RBBP8NL: variants seen among roughly 807,000 people sequenced by gnomAD.
RBBP8NL encodes the protein RBBP8 N-terminal-like protein.
Under a neutral mutation model 62.2 loss-of-function variants are expected in RBBP8NL, and 59 were observed. That is an observed-to-expected ratio of 0.95 (90% CI 0.77 to 1.18). The LOEUF is 1.18. RBBP8NL is among the 50% of genes most tolerant of loss of function. The probability of loss-of-function intolerance (pLI) is 0.00; values close to 1 mark genes in which losing one functional copy is unlikely to be tolerated. For missense variants in RBBP8NL, 896 were observed against 899.5 expected, an observed-to-expected ratio of 1.00 and a Z score of 0.05; for synonymous variants, 412 against 394.1, an observed-to-expected ratio of 1.05 and a Z score of -0.54.
intron 9 of RBBP8NL, among the ~76,000 whole-genome samples, 182 bp from the exon 10 acceptor site, chr20:62,414,738 G>C (rs755357530): frequency 1.3e-5 from 2 of 152,240 alleles, no homozygotes; most frequent in Non-Finnish European, 2.9e-5. Context: ...TCAGCCCCCA[G>C]CTCTGGAGGC....
rs571629533 is a variant in RBBP8NL at position 62,415,212 on chromosome 20, C to A, written c.703G>T (p.Asp235Tyr). ...GGCGTCCCATTGGCGGGGCCTCGGT[C>A]GGCAGGGCAAGCCTGGGACCCAGGC... ...VRPGSQACPA[D>Y]RGPANGTPPP... is the part of the protein sequence containing the mutation. Residue 235 changes from aspartate (D) to tyrosine (Y), a missense_variant, in exon 9 of 14, where the codon GAC becomes TAC. By Grantham distance (160) the Asp-to-Tyr change is radical. Transcript: ENST00000252998. 1.3e-6 allele frequency: 2 copies of A among 1,524,264 alleles called. No individual in the cohort carries two copies. Among genetic ancestry groups the A allele is most frequent in the South Asian group, 2.5e-5 (2 of 79,092 alleles). The allele number at this position is 1,524,264 out of a possible 1,614,324, so 94.4% of individuals were successfully genotyped here.
intron 1 of RBBP8NL, among the ~76,000 whole-genome samples, chr20:62,426,710 T>C (rs956132224): frequency 6.6e-6 from 1 of 152,250 alleles, no homozygotes; most frequent in African/African-American, 2.4e-5. Context: ...CAGGCTCCTG[T>C]GCACACACCG....
At position 62,410,717 on chromosome 20, in the gene RBBP8NL, G is replaced by A; in HGVS notation, c.*161C>T. ...CTCCAGGCTGTGGTGAGCAGGCAGA[G>A]AGCTGCCCTGGGCTCACTGTGGGTT... On this transcript the variant is annotated 3_prime_UTR_variant, in exon 14 of 14. Coordinates refer to ENST00000252998, the MANE Select transcript of RBBP8NL (RefSeq NM_080833.3). 1 of 651,612 alleles carries A rather than the reference G, an allele frequency of 1.5e-6. No homozygotes were observed. The highest frequency in any genetic ancestry group is 2.7e-6 in the Non-Finnish European group (1 of 367,770). 40.4% of individuals were successfully genotyped at this position (651,612 alleles called of 1,614,324 possible).
chr20:62,415,381 C>T, intron 8 of RBBP8NL, 94 bp from the exon 9 acceptor site: 1 of 1,428,192 alleles, frequency 7.0e-7, no homozygotes, highest in Non-Finnish European at 9.4e-7. Flanking sequence ...GGGCTGCTCC[C>T]ACTCTGCCCC....
intron 5 of RBBP8NL, among the ~76,000 whole-genome samples, 191 bp from the exon 6 acceptor site, chr20:62,416,427 C>T (rs138332076): frequency 5.3e-5 from 8 of 152,300 alleles, no homozygotes; most frequent in African/African-American, 9.6e-5. Context: ...TGAGCAGTGC[C>T]GGCCTCGAGG....
chr20:62,425,201 A>G (rs991811481), intron 1 of RBBP8NL, among the ~76,000 whole-genome samples: 2 of 152,110 alleles, frequency 1.3e-5, no homozygotes, highest in Admixed American at 1.3e-4. Context: ...GGAGACCCCG[A>G]TTCACCTGCG....
intron 10 of RBBP8NL, 74 bp from the exon 11 acceptor site, chr20:62,413,619 G>A (rs1227194171): frequency 1.0e-5 from 15 of 1,477,536 alleles, no homozygotes; most frequent in Middle Eastern, 1.8e-4. Context: ...CTGGACAGCC[G>A]GTGGGACCCC....
At position 62,414,112 on chromosome 20, in the gene RBBP8NL, T is replaced by A. The variant is rs1211494143; in HGVS notation, c.1239A>T (p.Gly413=). 1 of 1,595,132 alleles carries A rather than the reference T, an allele frequency of 6.3e-7. No individual in the cohort carries two copies. Among genetic ancestry groups the A allele is most frequent in the South Asian group, 1.1e-5 (1 of 88,352 alleles). Residue 413 remains glycine, a synonymous_variant, in exon 10 of 14, where the codon GGA becomes GGT. Coordinates refer to ENST00000252998, the MANE Select transcript of RBBP8NL (RefSeq NM_080833.3). ...RAALAAAGLS[G]GRHTQPAGPG... ...GGCCTGCAGGCTGTGTGTGCCGCCC[T>A]CCAGACAGGCCTGCTGCGGCCAGAG... is the stretch of plus-strand genomic sequence containing the variant.
intron 5 of RBBP8NL, among the ~76,000 whole-genome samples, 192 bp from the exon 6 acceptor site, chr20:62,416,428 G>A (rs1988567999): frequency 6.6e-6 from 1 of 152,164 alleles, no homozygotes; most frequent in Non-Finnish European, 1.5e-5. Flanking sequence ...GAGCAGTGCC[G>A]GCCTCGAGGG....
rs568879381 is a variant in RBBP8NL at position 62,414,431 on chromosome 20, G to T, written c.920C>A (p.Pro307His). ...SLHLQSPHSS[P>H]LAPAAAPSDP... ...GCTGGGGGCTGCAGCAGGGGCCAGG[G>T]GGCTGCTGTGGGGGCTCTGAAGGTG... is the stretch of plus-strand genomic sequence containing the variant. The change falls in exon 10 of 14, where the codon CCC becomes CAC. Residue 307 changes from proline to histidine, a missense_variant. Physicochemically the swap from Pro to His is moderately conservative, Grantham distance 77. Coordinates refer to ENST00000252998, the MANE Select transcript of RBBP8NL (RefSeq NM_080833.3). 7 of 1,519,236 alleles carry T rather than the reference G, an allele frequency of 4.6e-6. No individual in the cohort carries two copies. Among genetic ancestry groups the T allele is most frequent in the Admixed American group, 2.1e-5 (1 of 47,558 alleles). The allele number at this position is 1,519,236 out of a possible 1,614,324, so 94.1% of individuals were successfully genotyped here.
At position 62,418,102 on chromosome 20, in the gene RBBP8NL, G is replaced by A. The variant is rs1404378164; in HGVS notation, c.104+321C>T. Among the ~76,000 whole-genome samples the A allele has an allele frequency of 1.1e-4, 16 of 152,186 alleles. No homozygotes were observed. In the South Asian group the frequency reaches 2.1e-3, roughly 20 times the overall value. On this transcript the variant is annotated intron_variant, in intron 3 of 13. Transcript: ENST00000252998. Reference sequence around the variant, plus strand: ...AAGCCAGAACGCAGGGAGCCTGCCCGCCCGCCAGTGTCTGACCAGACATGA... The same window carrying A: ...AAGCCAGAACGCAGGGAGCCTGCCCACCCGCCAGTGTCTGACCAGACATGA...
intron 8 of RBBP8NL, 56 bp from the exon 9 acceptor site, chr20:62,415,343 CT>C: frequency 6.6e-7 from 1 of 1,509,314 alleles, no homozygotes; most frequent in South Asian, 1.3e-5. Context: ...CTGCTGTGGC[CT>C]CTGCCATAGC....
Position 62,413,419 on chromosome 20 carries a change from C to A in RBBP8NL, c.1657G>T (p.Asp553Tyr). The change falls in exon 11 of 14, where the codon GAC becomes TAC. Residue 553 changes from aspartate (D) to tyrosine (Y), a missense_variant. Physicochemically the swap from Asp to Tyr is radical, Grantham distance 160. Coordinates refer to ENST00000252998, the MANE Select transcript of RBBP8NL (RefSeq NM_080833.3). ...ACTGTACCTGGGTGGCCGTCCAGGT[C>A]AGGCGGCTGTGGGTGGGGAGGCGGC... ...PQPPPHPQPP[D>Y]LDGHPEPSKA... 1 of 1,459,660 alleles carries A rather than the reference C, an allele frequency of 6.9e-7. No individual in the cohort carries two copies. Among genetic ancestry groups the A allele is most frequent in the Non-Finnish European group, 9.0e-7 (1 of 1,108,986 alleles). 90.4% of individuals were successfully genotyped at this position (1,459,660 alleles called of 1,614,324 possible).
intron 1 of RBBP8NL, among the ~76,000 whole-genome samples, chr20:62,421,897 C>T (rs1988708920): frequency 6.7e-6 from 1 of 149,990 alleles, no homozygotes; most frequent in African/African-American, 2.5e-5. Flanking sequence ...GTGTGCGTGC[C>T]CAAGCCAGTG....
At chr20:62,418,498 G>T in intron 2 of RBBP8NL, 33 bp from the exon 3 acceptor site, 1 of 1,539,292 alleles carries the variant, frequency 6.5e-7, no homozygotes, top group Non-Finnish European at 8.8e-7. Flanking sequence ...GGGGGGTCAG[G>T]CCCAGCTGCT....
rs1245986371 is a variant in RBBP8NL at position 62,415,772 on chromosome 20, C to G, written c.544+16G>C. The G allele has an allele frequency of 6.2e-7, 1 of 1,611,266 alleles. No individual in the cohort carries two copies. The highest frequency in any genetic ancestry group is 1.1e-5 in the South Asian group (1 of 91,066). On this transcript the variant is annotated intron_variant, in intron 7 of 13. Transcript: ENST00000252998. ...CGGGGGCCCAGCCTCCCAGCCTCAC[C>G]CGGTCCCCACAGCACCTTCTCCCCG...
In RBBP8NL at chr20:62,422,048, C is replaced by T. The variant is rs1220417650; in HGVS notation, c.-83-2318G>A. Among the ~76,000 whole-genome samples, 39 of 152,198 alleles carry T rather than the reference C, an allele frequency of 2.6e-4. 1 individual carries two copies. Among genetic ancestry groups the T allele is most frequent in the Admixed American group, 2.6e-3 (39 of 15,282 alleles). On this transcript the variant is annotated intron_variant, in intron 1 of 13. Transcript: ENST00000252998. ...AACCCCCTGCCTCCCCCCATCTCTT[C>T]CAGGACCACTCTCCATGGTGGCCAT...
chr20:62,425,013 G>C (rs1234871902), intron 1 of RBBP8NL, among the ~76,000 whole-genome samples: 1 of 152,118 alleles, frequency 6.6e-6, no homozygotes, highest in East Asian at 1.9e-4. Context: ...TGGGGCTCTC[G>C]GACCCATCTC....
At position 62,414,272 on chromosome 20, in the gene RBBP8NL, G is replaced by A. The variant is rs1465747345; in HGVS notation, c.1079C>T (p.Ala360Val). 3.2e-6 allele frequency: 5 copies of A among 1,584,924 alleles called. No homozygotes were observed. Among genetic ancestry groups the A allele is most frequent in the Middle Eastern group, 1.7e-4 (1 of 5,966 alleles). ...GGCCCTAGCCCGCAGCTGCTGCTGG[G>A]CCAGGAGCAGGTGCAGTGCCCCCTC... The part of the protein sequence containing the change: ...RLEGALHLLL[A>V]QQQLRARARA... The change falls in exon 10 of 14, where the codon GCC (alanine) becomes GTC (valine). Residue 360 changes from alanine (A) to valine (V), a missense_variant. Transcript: ENST00000252998.
Sources: allele counts gnomAD v4.1 joint callset (sites outside exome capture counted in the v4.1 genomes callset), GRCh38; gene constraint gnomAD v4.1.1; transcripts MANE v1.5; gene names NCBI Gene and HGNC (gene_info 2026-07-23, HGNC 2026-07-21).